The following GDPD3 variants were observed in gnomAD, a reference collection of about 807,000 sequenced individuals.
GDPD3 encodes the protein glycerophosphodiester phosphodiesterase domain containing 3.
GDPD3 carries 40 observed loss-of-function variants against 43.7 expected under a neutral mutation model. The observed-to-expected ratio is 0.91, with a 90% CI of 0.71 to 1.19. The LOEUF is 1.19. GDPD3 is among the 50% of genes most tolerant of loss of function. GDPD3 has a pLI of 0.00. For synonymous variants in GDPD3, 145 were observed against 162.9 expected (o/e 0.89, Z 0.84); for missense variants, 363 against 415.8 (o/e 0.87, Z 1.11).
chr16:30,112,408 C>T lies in GDPD3; in HGVS notation c.381G>A (p.Gly127=). 6.2e-7 allele frequency: 1 copy of T among 1,614,212 alleles called. No homozygotes were observed. The highest frequency in any genetic ancestry group is 8.5e-7 in the Non-Finnish European group (1 of 1,180,032). The change falls in exon 5 of 10, where the codon GGG becomes GGA. Residue 127 remains glycine (G), a synonymous_variant. Transcript: ENST00000406256. This position sits in a 1 kb window ranked among gnomAD's most constrained non-coding sequence, Gnocchi z 5.4. The part of the protein sequence containing the change: ...VYFSPGHFAH[G]SDRRMVRLED... Reference sequence around the variant, plus strand: ...CCAGACGAACCATGCGCCGGTCTGACCCGTGAGCAAAGTGGCCTGGGGGTG... The same window carrying T: ...CCAGACGAACCATGCGCCGGTCTGATCCGTGAGCAAAGTGGCCTGGGGGTG...
At chr16:30,110,992 CT>C (rs1304290478) in intron 7 of GDPD3, 3 of 158,430 alleles carry the variant, frequency 1.9e-5, no homozygotes, top group Non-Finnish European at 4.1e-5. Flanking sequence ...CTGACTTGGC[CT>C]TTTCCTGCTG....
chr16:30,109,020 C>T lies in GDPD3; in HGVS notation c.708-588G>A, dbSNP rs62057759. On this transcript the variant is annotated intron_variant, in intron 7 of 9. Transcript: ENST00000406256. ...TAATTTTTTGTATTTTTAGTAGAGA[C>T]AGGGTTTCACCCTGTTAGCCAGGAT... Among the ~76,000 whole-genome samples the T allele has an allele frequency of 3.0e-3, 463 of 152,120 alleles. 3 individuals are homozygous for T. Among genetic ancestry groups the T allele is most frequent in the Non-Finnish European group, 5.6e-3 (381 of 67,998 alleles).
Position 30,111,399 on chromosome 16 carries a change from G to A in GDPD3, c.696C>T (p.Asn232=), listed in dbSNP as rs758699385. ...CCCCCCACTGGTACCTGTTGATGAT[G>A]TTGGGCAGGAAGCAGAAGAAGAACT... ...PEKFFFCFLP[N]IINRTYFPFS... is the part of the protein sequence containing the mutation. The change falls in exon 7 of 10, where the codon AAC becomes AAT. Residue 232 remains asparagine (N), a synonymous_variant. Coordinates refer to ENST00000406256, the MANE Select transcript of GDPD3 (RefSeq NM_024307.3). The A allele has an allele frequency of 2.5e-6, 4 of 1,613,938 alleles. No individual in the cohort carries two copies. Among genetic ancestry groups the A allele is most frequent in the Non-Finnish European group, 3.4e-6 (4 of 1,179,944 alleles).
intron 6 of GDPD3, chr16:30,111,846 T>G: frequency 1.9e-6 from 1 of 539,152 alleles, no homozygotes; most frequent in Non-Finnish European, 3.3e-6. Context: ...AGCATGAGAA[T>G]CGCTTGAACC....
chr16:30,112,734 A>G lies in GDPD3; in HGVS notation c.242T>C (p.Val81Ala), dbSNP rs769777350. ...ELDCQLTRDR[V>A]VVVSHDENLC... ...GTTCTCATCATGTGACACCACCACC[A>G]CTCTGTCCCGTGTCAGCTGACAGTC... The change falls in exon 3 of 10, where the codon GTG becomes GCG. Residue 81 changes from valine (V) to alanine (A), a missense_variant. Val to Ala is a moderately conservative substitution (Grantham distance 64). Transcript: ENST00000406256. The surrounding 1 kb of genome is among the most constrained non-coding windows in gnomAD (Gnocchi z 5.4). 4 of 1,612,766 alleles carry G rather than the reference A, an allele frequency of 2.5e-6. No homozygotes were observed. The highest frequency in any genetic ancestry group is 3.4e-6 in the Non-Finnish European group (4 of 1,179,840).
chr16:30,111,202 T>C, intron 7 of GDPD3, 186 bp downstream of exon 7: 1 of 647,606 alleles, frequency 1.5e-6, no homozygotes. Context: ...ACTCCACATA[T>C]GCACAGAATT....
chr16:30,111,019 C>T (rs561661479), intron 7 of GDPD3: 20 of 166,678 alleles, frequency 1.2e-4, no homozygotes, highest in South Asian at 1.6e-4. Context: ...CTGAGACAGC[C>T]GTGCTATAAT....
rs146460442 is a variant in GDPD3 at position 30,111,037 on chromosome 16, C to G, written c.707+351G>C. On this transcript the variant is annotated intron_variant, in intron 7 of 9. Coordinates refer to ENST00000406256, the MANE Select transcript of GDPD3 (RefSeq NM_024307.3). ...AGACAGCCGTGCTATAATTAATGAA[C>G]GAATGTCTCCCCAGCCAGACTGTAA... The G allele has an allele frequency of 6.1e-4, 105 of 172,822 alleles. 2 individuals carry two copies. In the East Asian group the frequency reaches 0.013, roughly 22 times the overall value. 10.7% of individuals were successfully genotyped at this position (172,822 alleles called of 1,614,324 possible). A position where few individuals can be genotyped will look rare whatever the true frequency, so the allele number is the denominator to read the frequency against.
At chr16:30,111,092 TG>T in intron 7 of GDPD3, 1 of 237,362 alleles carries the variant, frequency 4.2e-6, no homozygotes, top group Non-Finnish European at 8.1e-6. Flanking sequence ...CCACCCTCAC[TG>T]GTCTCATTTA....
chr16:30,112,111 G>C lies in GDPD3; in HGVS notation c.573+21C>G. 1.2e-6 allele frequency: 2 copies of C among 1,600,514 alleles called. No individual in the cohort carries two copies. Among genetic ancestry groups the C allele is most frequent in the Non-Finnish European group, 1.7e-6 (2 of 1,168,466 alleles). ...GGCCCCTGGAGGAGGAAGAGGACGGGGGAGGGGTGGGGGGACTCACGGCAG... is the reference window on the plus strand; with the variant it reads ...GGCCCCTGGAGGAGGAAGAGGACGGCGGAGGGGTGGGGGGACTCACGGCAG... On this transcript the variant is annotated intron_variant, in intron 6 of 9. Coordinates refer to ENST00000406256, the MANE Select transcript of GDPD3 (RefSeq NM_024307.3). The surrounding 1 kb of genome is among the most constrained non-coding windows in gnomAD (Gnocchi z 5.4).
rs1466374373 is a variant in GDPD3, at chr16:30,108,430, G to A, written c.710C>T (p.Thr237Ile). 5.6e-6 allele frequency: 9 copies of A among 1,613,872 alleles called. No individual in the cohort carries two copies. Among genetic ancestry groups the A allele is most frequent in the South Asian group, 1.1e-5 (1 of 91,074 alleles). ...GCAAGAGCAGGAAAATGGGAAATAG[G>A]TCCTGCAGAGAGAAGGAAGTGGGGG... ...FCFLPNIINR[T>I]YFPFSCSCLN... Residue 237 changes from threonine (T) to isoleucine (I), a missense_variant and splice_region_variant, in exon 8 of 10, where the codon ACC becomes ATC. By Grantham distance (89) the Thr-to-Ile change is moderately conservative. Transcript: ENST00000406256.
intron 9 of GDPD3, among the ~76,000 whole-genome samples, chr16:30,107,286 T>C (rs2072867349): frequency 1.3e-5 from 2 of 152,144 alleles, no homozygotes; most frequent in South Asian, 4.2e-4. Context: ...TTTAAATTTT[T>C]TGTAGAGACG....
chr16:30,112,794 C>T lies in GDPD3; in HGVS notation c.183-1G>A. On this transcript the variant is annotated splice_acceptor_variant, in intron 2 of 9. Transcript: ENST00000406256. LOFTEE classifies it high-confidence loss of function. This position sits in a 1 kb window ranked among gnomAD's most constrained non-coding sequence, Gnocchi z 5.4. ...GAGGTCCGAGCGCTGGGCCATGGAG[C>T]TGTGGGGGTGAAGGTCAGCGGGGGG... 1 of 1,606,764 alleles carries T rather than the reference C, an allele frequency of 6.2e-7. No individual in the cohort carries two copies. Among genetic ancestry groups the T allele is most frequent in the East Asian group, 2.2e-5 (1 of 44,852 alleles).
At position 30,113,521 on chromosome 16, in the gene GDPD3, G is replaced by A. The variant is rs373668479; in HGVS notation, c.-43C>T. The A allele has an allele frequency of 1.4e-5, 21 of 1,502,950 alleles. No individual in the cohort carries two copies. The East Asian group carries it at 2.2e-4, about 15-fold the overall frequency. 93.1% of individuals were successfully genotyped at this position (1,502,950 alleles called of 1,614,324 possible). ...AGCTCCTGCAGCCACACGCTCAGCC[G>A]TCCGCGGGACTGTGCTGCCTGCCTA... On this transcript the variant is annotated 5_prime_UTR_variant, in exon 1 of 10. In the 5' UTR this introduces an upstream ATG that the reference lacks. Coordinates refer to ENST00000406256, the MANE Select transcript of GDPD3 (RefSeq NM_024307.3). This position sits in a 1 kb window ranked among gnomAD's most constrained non-coding sequence, Gnocchi z 5.9.
intron 9 of GDPD3, chr16:30,107,958 C>A (rs2072871321): frequency 3.6e-6 from 1 of 278,894 alleles, no homozygotes; most frequent in Non-Finnish European, 6.7e-6. Flanking sequence ...CCACTGCACT[C>A]CAGCCTGGGT....
chr16:30,113,234 C>T lies in GDPD3; in HGVS notation c.139+106G>A, dbSNP rs553971883. 162 of 1,456,190 alleles carry T rather than the reference C, an allele frequency of 1.1e-4. 4 individuals are homozygous for T. In the South Asian group the frequency reaches 1.6e-3, roughly 14 times the overall value. The allele number at this position is 1,456,190 out of a possible 1,614,324, so 90.2% of individuals were successfully genotyped here. A position where few individuals can be genotyped will look rare whatever the true frequency, so the allele number is the denominator to read the frequency against. On this transcript the variant is annotated intron_variant, in intron 1 of 9. Transcript: ENST00000406256. The surrounding 1 kb of genome is among the most constrained non-coding windows in gnomAD (Gnocchi z 5.9). Reference sequence around the variant, plus strand: ...TCGTCCACACCCTGCCCTGCCACTTCGCTCTCCTTCTCTCTTGGTCCCTGC... The same window carrying T: ...TCGTCCACACCCTGCCCTGCCACTTTGCTCTCCTTCTCTCTTGGTCCCTGC...
chr16:30,112,528 G>A lies in GDPD3; in HGVS notation c.359C>T (p.Ser120Phe), dbSNP rs746705329. 1.2e-6 allele frequency: 2 copies of A among 1,614,178 alleles called. No homozygotes were observed. Among genetic ancestry groups the A allele is most frequent in the Non-Finnish European group, 1.7e-6 (2 of 1,180,016 alleles). ...LYKEKLEVYF[S>F]PGHFAHGSDR... ...CTCGAAGCCCTTGCTCTCACCTGGA[G>A]AGAAGTAAACCTCCAGCTTCTCCTT... Residue 120 changes from serine to phenylalanine, a missense_variant, in exon 4 of 10, where the codon TCT becomes TTT. Transcript: ENST00000406256. This position sits in a 1 kb window ranked among gnomAD's most constrained non-coding sequence, Gnocchi z 5.4.
chr16:30,109,153 T>C (rs1265842173), intron 7 of GDPD3, among the ~76,000 whole-genome samples: 1 of 152,034 alleles, frequency 6.6e-6, no homozygotes, highest in Non-Finnish European at 1.5e-5. Flanking sequence ...TGTAGAGACA[T>C]GTCTCACTAT....
chr16:30,107,391 A>AACC (rs2072867736), intron 9 of GDPD3, among the ~76,000 whole-genome samples: 7 of 37,748 alleles, frequency 1.9e-4, no homozygotes, highest in African/African-American at 5.4e-4. Context: ...TACAGGTGGG[A>AACC]GCCGTGCCCA....
Sources: gnomAD v4.1 joint callset for allele counts (sites outside exome capture counted in the v4.1 genomes callset) on GRCh38, gnomAD v4.1.1 for gene constraint, Gnocchi (gnomAD v3.1) non-coding constraint, MANE v1.5 for transcripts, NCBI Gene and HGNC (gene_info 2026-07-23, HGNC 2026-07-21) for gene names.